The following FBXL7 variants were observed in gnomAD, a reference collection of about 807,000 sequenced individuals.
FBXL7 encodes the protein F-box/LRR-repeat protein 7.
FBXL7 carries 12 observed loss-of-function variants against 38.3 expected under a neutral mutation model. That is an observed-to-expected ratio of 0.31 (90% confidence interval 0.20 to 0.51). The LOEUF (loss-of-function observed/expected upper bound fraction) is 0.51. FBXL7 is among the 20% of genes least tolerant of loss of function. The probability of loss-of-function intolerance (pLI) is 0.98; values close to 1 mark genes in which losing one functional copy is unlikely to be tolerated. For synonymous variants in FBXL7, 297 were observed against 300.9 expected (o/e 0.99, Z 0.13); for missense variants, 567 against 676.4 (o/e 0.84, Z 1.79).
chr5:15,847,511 A>G (rs946223429), intron 2 of FBXL7, among the ~76,000 whole-genome samples: 1 of 152,134 alleles, frequency 6.6e-6, no homozygotes, highest in African/African-American at 2.4e-5. Context: ...AAGCCAAACC[A>G]TATCAGCCCC....
At chr5:15,686,954 A>G (rs1355134112) in intron 2 of FBXL7, among the ~76,000 whole-genome samples, 1 of 152,232 alleles carries the variant, frequency 6.6e-6, no homozygotes, top group Non-Finnish European at 1.5e-5. Context: ...TCTGGGCCAG[A>G]GAAATTCTAG....
intron 2 of FBXL7, among the ~76,000 whole-genome samples, chr5:15,658,946 G>C (rs1322933979): frequency 2.0e-5 from 3 of 151,966 alleles, no homozygotes; most frequent in Non-Finnish European, 4.4e-5. Flanking sequence ...CAATATGAGG[G>C]GTGGTTTCCT....
At chr5:15,682,512 T>A (rs1303034716) in intron 2 of FBXL7, among the ~76,000 whole-genome samples, 1 of 152,222 alleles carries the variant, frequency 6.6e-6, no homozygotes, top group Non-Finnish European at 1.5e-5. Flanking sequence ...GATTTTATTT[T>A]GGTAAATAAA....
chr5:15,813,802 A>C (rs1175423435), intron 2 of FBXL7, among the ~76,000 whole-genome samples: 2 of 152,224 alleles, frequency 1.3e-5, no homozygotes, highest in Non-Finnish European at 2.9e-5. Flanking sequence ...GAAGACATTT[A>C]TGCGGTCAAC....
chr5:15,690,029 G>A (rs1743134214), intron 2 of FBXL7, among the ~76,000 whole-genome samples: 1 of 152,226 alleles, frequency 6.6e-6, no homozygotes, highest in African/African-American at 2.4e-5. Flanking sequence ...CCCCAGGGAT[G>A]AGAGTTATGT....
At chr5:15,511,942 C>G (rs547667133) in intron 1 of FBXL7, among the ~76,000 whole-genome samples, 5 of 152,162 alleles carry the variant, frequency 3.3e-5, no homozygotes, top group Non-Finnish European at 7.4e-5. Flanking sequence ...GACAAAAGAT[C>G]ATGACAAAAT....
chr5:15,568,805 T>C (rs891159798), intron 1 of FBXL7, among the ~76,000 whole-genome samples: 2 of 152,204 alleles, frequency 1.3e-5, no homozygotes, highest in African/African-American at 4.8e-5. Context: ...GTTTTCTACA[T>C]ATGGCTAGCC....
At chr5:15,570,018 C>T (rs2126450510) in intron 1 of FBXL7, among the ~76,000 whole-genome samples, 1 of 152,254 alleles carries the variant, frequency 6.6e-6, no homozygotes, top group African/African-American at 2.4e-5. Flanking sequence ...ATTTTTGCAT[C>T]AATGTTCATC....
At chr5:15,731,358 G>GA (rs1735578795) in intron 2 of FBXL7, among the ~76,000 whole-genome samples, 1 of 151,584 alleles carries the variant, frequency 6.6e-6, no homozygotes, top group East Asian at 2.0e-4. Context: ...CAGGCAAAGA[G>GA]AAAGCTTGTG....
At chr5:15,683,399 C>T (rs150802931) in intron 2 of FBXL7, among the ~76,000 whole-genome samples, 327 of 152,274 alleles carry the variant, frequency 2.1e-3, no homozygotes, top group African/African-American at 7.4e-3. Flanking sequence ...GTCACCTAAC[C>T]CTGCTGGGGC....
Position 15,896,073 on chromosome 5 carries a change from G to A in FBXL7, c.128-31817G>A, listed in dbSNP as rs570220944. The stretch of plus-strand genomic sequence containing the variant: ...AGAGTCTCAATCTGTTGCCCAGGCT[G>A]GAGTGCAATGGCAGGATCTCAGCTC... On this transcript the variant is annotated intron_variant, in intron 2 of 3. Coordinates refer to ENST00000504595, the MANE Select transcript of FBXL7 (RefSeq NM_012304.5). Among the ~76,000 whole-genome samples, 4 of 150,866 alleles carry A rather than the reference G, an allele frequency of 2.7e-5. No homozygotes were observed. In the East Asian group the frequency reaches 5.9e-4, roughly 22 times the overall value.
chr5:15,693,713 G>A (rs185895768), intron 2 of FBXL7, among the ~76,000 whole-genome samples: 38 of 152,264 alleles, frequency 2.5e-4, no homozygotes, highest in African/African-American at 7.7e-4. Context: ...AGAACACACC[G>A]ACAGATGCTG....
Position 15,817,855 on chromosome 5 carries a change from C to T in FBXL7, c.128-110035C>T, listed in dbSNP as rs921561424. Among the ~76,000 whole-genome samples the T allele has an allele frequency of 4.6e-5, 7 of 152,238 alleles. 1 individual carries two copies. Among genetic ancestry groups the T allele is most frequent in the Admixed American group, 1.3e-4 (2 of 15,282 alleles). ...GTGTTTCTTCACAGCAGTATGAAAA[C>T]GAACTAATACAAGGGCGAAGGAAAC... On this transcript the variant is annotated intron_variant, in intron 2 of 3. Transcript: ENST00000504595.
At chr5:15,607,467 T>G (rs1459946843) in intron 1 of FBXL7, 2 of 152,196 alleles carry the variant, frequency 1.3e-5, no homozygotes, top group African/African-American at 4.8e-5. Flanking sequence ...TGTGTCATAA[T>G]ATTAATAAAT....
intron 1 of FBXL7, among the ~76,000 whole-genome samples, chr5:15,562,666 GT>G (rs564977807): frequency 6.6e-6 from 1 of 151,538 alleles, no homozygotes; most frequent in Non-Finnish European, 1.5e-5. Context: ...CTCTCCCTCA[GT>G]TTCTCTCTCC....
chr5:15,795,084 G>T (rs138284319), intron 2 of FBXL7, among the ~76,000 whole-genome samples: 2 of 152,248 alleles, frequency 1.3e-5, no homozygotes, highest in Non-Finnish European at 2.9e-5. Flanking sequence ...GTGTGATTCT[G>T]CATCTCCTCT....
chr5:15,580,704 G>A, intron 1 of FBXL7: 1 of 985,424 alleles, frequency 1.0e-6, no homozygotes, highest in Non-Finnish European at 1.2e-6. Context: ...GAAGGTGCCA[G>A]AACAGGAAGG....
At chr5:15,683,551 G>C (rs1742917810) in intron 2 of FBXL7, among the ~76,000 whole-genome samples, 1 of 152,148 alleles carries the variant, frequency 6.6e-6, no homozygotes, top group African/African-American at 2.4e-5. Flanking sequence ...ATCATAAAGA[G>C]GGTGGAAATT....
Position 15,519,477 on chromosome 5 carries a change from A to C in FBXL7, c.37+18764A>C, listed in dbSNP as rs183006358. Among the ~76,000 whole-genome samples, 3 of 152,122 alleles carry C rather than the reference A, an allele frequency of 2.0e-5. No homozygotes were observed. The East Asian group carries it at 5.8e-4, about 29-fold the overall frequency. ...AAAAACAAACAAACAAACAAAAAAA[A>C]CTTGTTGAAATTAATTTTTGAGACA... is the stretch of plus-strand genomic sequence containing the variant. On this transcript the variant is annotated intron_variant, in intron 1 of 3. Transcript: ENST00000504595.
Sources: gnomAD v4.1 joint callset for allele counts (sites outside exome capture counted in the v4.1 genomes callset) on GRCh38, gnomAD v4.1.1 for gene constraint, MANE v1.5 for transcripts, NCBI Gene and HGNC (gene_info 2026-07-23, HGNC 2026-07-21) for gene names.